FNBP1: variants seen among roughly 807,000 people sequenced by gnomAD.
The protein encoded by FNBP1 is formin binding protein 1.
FNBP1 carries 26 observed loss-of-function variants against 90.6 expected under a neutral mutation model. The observed-to-expected ratio is 0.29, with a 90% CI of 0.21 to 0.40. FNBP1 has a LOEUF of 0.40. Ranked by LOEUF, FNBP1 falls within the 10% of genes least tolerant of loss-of-function variation. FNBP1 has a pLI of 1.00. For synonymous variants in FNBP1, 260 were observed against 265.2 expected, an observed-to-expected ratio of 0.98 and a Z score of 0.19; for missense variants, 635 against 768.0, an observed-to-expected ratio of 0.83 and a Z score of 2.05.
At chr9:129,985,284 C>T (rs1035445885) in intron 2 of FNBP1, among the ~76,000 whole-genome samples, 3 of 136,298 alleles carry the variant, frequency 2.2e-5, no homozygotes, top group African/African-American at 7.6e-5. Flanking sequence ...GAAACAAACA[C>T]ACGCCAGGTG....
rs183446583 is a variant in FNBP1 at position 130,002,261 on chromosome 9, A to G, written c.25-7303T>C. Among the ~76,000 whole-genome samples the G allele has an allele frequency of 1.8e-3, 278 of 152,340 alleles. 3 individuals are homozygous for G. The highest frequency in any genetic ancestry group is 1.6e-3 in the Non-Finnish European group (106 of 68,032). ...ACATTAAGAAACTTAGGTAATAAAC[A>G]ACCTAATAGAAAATAATGTTTATTT... On this transcript the variant is annotated intron_variant, in intron 1 of 16. Transcript: ENST00000446176.
In FNBP1 at chr9:129,923,863, A is replaced by G; in HGVS notation, c.1151T>C (p.Phe384Ser). 1 of 1,600,404 alleles carries G rather than the reference A, an allele frequency of 6.2e-7. No homozygotes were observed. Among genetic ancestry groups the G allele is most frequent in the Non-Finnish European group, 8.5e-7 (1 of 1,174,458 alleles). The change falls in exon 10 of 17, where the codon TTC (phenylalanine) becomes TCC (serine). Residue 384 changes from phenylalanine (F) to serine (S), a missense_variant. Coordinates refer to ENST00000446176, the MANE Select transcript of FNBP1 (RefSeq NM_015033.3). ...ACTTACCCCACGCTTTAGGCTCCTG[A>G]AGCAGTGGATTTTGGGTTTGGAGGT... Reference protein sequence around the residue: ...FMTSKPKIHCFRSLKRGLSLK... With the variant: ...FMTSKPKIHCSRSLKRGLSLK...
At chr9:129,942,465 A>G (rs2044471021) in intron 6 of FNBP1, among the ~76,000 whole-genome samples, 1 of 152,186 alleles carries the variant, frequency 6.6e-6, no homozygotes, top group Admixed American at 6.5e-5. Flanking sequence ...GCTATTTGTC[A>G]TCTTACCTCA....
intron 10 of FNBP1, 32 bp downstream of exon 10, chr9:129,923,812 C>T: frequency 6.5e-7 from 1 of 1,533,534 alleles, no homozygotes; most frequent in Non-Finnish European, 8.8e-7. Flanking sequence ...CCAAAGCACG[C>T]CAGAGAGACA....
At chr9:129,959,160 G>T (rs2047414388) in intron 4 of FNBP1, among the ~76,000 whole-genome samples, 1 of 151,826 alleles carries the variant, frequency 6.6e-6, no homozygotes, top group Admixed American at 6.6e-5. Context: ...GGCCAGGCAT[G>T]GTGGTGAGCA....
rs112830563 is a variant in FNBP1, at chr9:129,889,439, G to A, written c.*1100C>T. 0.014 allele frequency: 2,585 copies of A among 182,652 alleles called. 28 individuals are homozygous for A. Among genetic ancestry groups the A allele is most frequent in the Middle Eastern group, 0.027 (13 of 474 alleles). 11.3% of individuals were successfully genotyped at this position (182,652 alleles called of 1,614,324 possible). On this transcript the variant is annotated 3_prime_UTR_variant, in exon 17 of 17. Coordinates refer to ENST00000446176, the MANE Select transcript of FNBP1 (RefSeq NM_015033.3). ...ACAAACATTAGCCGGGCGTGGTGGT[G>A]CACGCCTGTAATCACAGCTATTTGG...
chr9:130,026,983 AG>A (rs1435521305), intron 1 of FNBP1, among the ~76,000 whole-genome samples: 1 of 151,354 alleles, frequency 6.6e-6, no homozygotes, highest in African/African-American at 2.4e-5. Context: ...AAAAAAAAAA[AG>A]TTTTGTCTTT....
Position 129,902,984 on chromosome 9 carries a change from AT to A in FNBP1, c.1312del (p.Met438Ter). On this transcript the variant is annotated frameshift_variant, in exon 13 of 17. Transcript: ENST00000446176. LOFTEE classifies it high-confidence loss of function. ...AGGATTCTTTAGGTAGACATCTTTC[AT>A]TTTTGTTATGGCATCTCTGAAAGAA... ...EMDQRDAITKMKDVYLKNPQM... is the reference protein window; with the variant it reads ...EMDQRDAITKXKDVYLKNPQM... 6.3e-7 allele frequency: 1 copy of A among 1,584,102 alleles called. No individual in the cohort carries two copies. The highest frequency in any genetic ancestry group is 1.3e-5 in the African/African-American group (1 of 74,546).
chr9:129,920,164 A>AT (rs2040871203), intron 10 of FNBP1, among the ~76,000 whole-genome samples: 1 of 152,064 alleles, frequency 6.6e-6, no homozygotes, highest in Non-Finnish European at 1.5e-5. Context: ...CATTTGGGAA[A>AT]TTTTTTTTAA....
chr9:129,986,048 AT>A (rs1239413323), intron 2 of FNBP1, among the ~76,000 whole-genome samples: 1 of 150,110 alleles, frequency 6.7e-6, no homozygotes, highest in Admixed American at 6.7e-5. Context: ...AGGCAGGAGA[AT>A]TGCTTGAACC....
In FNBP1 at chr9:129,924,878, G is replaced by A. The variant is rs554374697; in HGVS notation, c.987+82C>T. The A allele has an allele frequency of 7.6e-6, 9 of 1,188,726 alleles. No individual in the cohort carries two copies. The East Asian group carries it at 2.3e-4, about 30-fold the overall frequency. 73.6% of individuals were successfully genotyped at this position (1,188,726 alleles called of 1,614,324 possible). Reference sequence around the variant, plus strand: ...TTTGCATTCTGAAACTACAGGTTTAGGATCTTAGTTTTTCTAAGACTAAAA... The same window carrying A: ...TTTGCATTCTGAAACTACAGGTTTAAGATCTTAGTTTTTCTAAGACTAAAA... On this transcript the variant is annotated intron_variant, in intron 9 of 16. Coordinates refer to ENST00000446176, the MANE Select transcript of FNBP1 (RefSeq NM_015033.3).
chr9:129,931,504 G>A (rs2042734846), intron 6 of FNBP1, among the ~76,000 whole-genome samples: 1 of 151,938 alleles, frequency 6.6e-6, no homozygotes, highest in Non-Finnish European at 1.5e-5. Context: ...TACTCGGGAG[G>A]CTGAGGCACG....
chr9:129,964,009 G>A (rs780491955), intron 4 of FNBP1, among the ~76,000 whole-genome samples: 2 of 152,142 alleles, frequency 1.3e-5, no homozygotes, highest in Non-Finnish European at 2.9e-5. Context: ...GAAATTAAGG[G>A]AGGGAACAAA....
At chr9:129,910,101 G>A in intron 11 of FNBP1, 1 of 456,214 alleles carries the variant, frequency 2.2e-6, no homozygotes. Flanking sequence ...ACAGTTTCAG[G>A]CTTTGACATA....
At position 129,889,361 on chromosome 9, in the gene FNBP1, G is replaced by T. The variant is rs2034927145; in HGVS notation, c.*1178C>A. The stretch of plus-strand genomic sequence containing the variant: ...GAGGCGGGCGGATCACCTGAGGTCA[G>T]GAGTTTGAGACCAGCCTGACCAACA... On this transcript the variant is annotated 3_prime_UTR_variant, in exon 17 of 17. Coordinates refer to ENST00000446176, the MANE Select transcript of FNBP1 (RefSeq NM_015033.3). The T allele has an allele frequency of 5.5e-6, 1 of 180,480 alleles. No individual in the cohort carries two copies. The highest frequency in any genetic ancestry group is 6.3e-5 in the Admixed American group (1 of 15,880). 11.2% of individuals were successfully genotyped at this position (180,480 alleles called of 1,614,324 possible).
intron 2 of FNBP1, among the ~76,000 whole-genome samples, chr9:129,981,305 C>T (rs146165352): frequency 0.017 from 2,641 of 152,058 alleles, 29 homozygotes; most frequent in African/African-American, 0.021. Flanking sequence ...GCCAGGCTGG[C>T]CTCAAACTCC....
At chr9:129,967,884 G>T (rs1445773191) in intron 4 of FNBP1, among the ~76,000 whole-genome samples, 1 of 151,816 alleles carries the variant, frequency 6.6e-6, no homozygotes, top group Admixed American at 6.6e-5. Flanking sequence ...ATTTTTTTTT[G>T]AGATTGGGGG....
chr9:130,015,863 T>G (rs996119835), intron 1 of FNBP1, among the ~76,000 whole-genome samples: 1 of 152,120 alleles, frequency 6.6e-6, no homozygotes, highest in African/African-American at 2.4e-5. Flanking sequence ...TTTGTAGAGA[T>G]GGGGTTTTGC....
At chr9:130,035,923 G>A (rs562397651) in intron 1 of FNBP1, among the ~76,000 whole-genome samples, 2 of 152,214 alleles carry the variant, frequency 1.3e-5, no homozygotes, top group African/African-American at 4.8e-5. Flanking sequence ...TCCAGCCTGG[G>A]CGACAAGAGC....
Sources: gnomAD v4.1 joint callset for allele counts (sites outside exome capture counted in the v4.1 genomes callset) on GRCh38, gnomAD v4.1.1 for gene constraint, MANE v1.5 for transcripts, NCBI Gene and HGNC (gene_info 2026-07-23, HGNC 2026-07-21) for gene names.